Variants in RPL4 observed in about 807,000 individuals in gnomAD.
RPL4 encodes the protein large ribosomal subunit protein uL4.
In RPL4, 3 loss-of-function variants were observed where a neutral mutation model predicts 47.7. The ratio of observed to expected loss-of-function variants is 0.06; its 90% CI spans 0.03 to 0.16. The LOEUF (loss-of-function observed/expected upper bound fraction) is 0.16, where lower values mean the gene tolerates loss of function less well. Among genes scored for constraint, RPL4 ranks in the 10% least tolerant of loss-of-function variants. The pLI, the probability that RPL4 is intolerant of heterozygous loss-of-function variation, is 1.00. For synonymous variants in RPL4, 208 were observed against 182.1 expected, an observed-to-expected ratio of 1.14 and a Z score of -1.15; for missense variants, 413 against 551.3, an observed-to-expected ratio of 0.75 and a Z score of 2.51.
In RPL4 at chr15:66,501,599, G is replaced by A. The variant is rs182995691; in HGVS notation, c.547-95C>T. 50 of 1,551,934 alleles carry A rather than the reference G, an allele frequency of 3.2e-5. No individual in the cohort carries two copies. The Admixed American group carries it at 7.0e-4, about 22-fold the overall frequency. ...TCCTTTTTACAGATGATTAAACTGG[G>A]CACAATAACTTGCCAAGGTTACACA... On this transcript the variant is annotated intron_variant, in intron 5 of 9. Transcript: ENST00000307961.
chr15:66,500,497 CAT>C, intron 7 of RPL4, 121 bp from the exon 8 acceptor site: 1 of 862,456 alleles, frequency 1.2e-6, no homozygotes. Context: ...TATCACTTCT[CAT>C]AAACATGGAC....
In RPL4 at chr15:66,501,386, C is replaced by G; in HGVS notation, c.665G>C (p.Arg222Thr). 6.2e-7 allele frequency: 1 copy of G among 1,614,182 alleles called. No homozygotes were observed. Among genetic ancestry groups the G allele is most frequent in the Non-Finnish European group, 8.5e-7 (1 of 1,180,032 alleles). ...AGCAGTTTAATTACCAGGGATGTTT[C>G]TGAAGGCCTTGATGATACCATTATC... ...NEDNGIIKAF[R>T]NIPGITLLNV... is the part of the protein sequence containing the mutation. The change falls in exon 6 of 10, where the codon AGA becomes ACA. Residue 222 changes from arginine (R) to threonine (T), a missense_variant. Arg to Thr is a moderately conservative substitution (Grantham distance 71). Coordinates refer to ENST00000307961, the MANE Select transcript of RPL4 (RefSeq NM_000968.4).
chr15:66,501,499 A>G lies in RPL4; in HGVS notation c.552T>C (p.Tyr184=). Residue 184 remains tyrosine, a synonymous_variant, in exon 6 of 10, where the codon TAT becomes TAC. Transcript: ENST00000307961. ...TGCCAGCTCTCATTCGCTGAGAGGC[A>G]TAGACCTACAAAGTGAGCAGTTTTA... ...LKAWNDIKKV[Y]ASQRMRAGKG... 6.2e-7 allele frequency: 1 copy of G among 1,614,186 alleles called. No individual in the cohort carries two copies. The highest frequency in any genetic ancestry group is 8.5e-7 in the Non-Finnish European group (1 of 1,180,046).
In RPL4 at chr15:66,501,047, A is replaced by G. The variant is rs773704090; in HGVS notation, c.735T>C (p.His245=). Residue 245 remains histidine, a synonymous_variant, in exon 7 of 10, where the codon CAT becomes CAC. Coordinates refer to ENST00000307961, the MANE Select transcript of RPL4 (RefSeq NM_000968.4). ...CAGTCCAAATGCAGAAACGTCCCACATGCCCACCAGGAGCAAGCTTCAAAA... is the reference window on the plus strand; with the variant it reads ...CAGTCCAAATGCAGAAACGTCCCACGTGCCCACCAGGAGCAAGCTTCAAAA... ...LNILKLAPGG[H]VGRFCIWTES... 1.3e-5 allele frequency: 21 copies of G among 1,613,944 alleles called. No homozygotes were observed. In the Admixed American group the frequency reaches 1.5e-4, roughly 12 times the overall value.
Position 66,499,189 on chromosome 15 carries a change from C to A in RPL4, c.*218G>T. ...TAAATCATTCCCCTTCCACTGAACT[C>A]CATGGACTTAGTATAAATCCATGCC... On this transcript the variant is annotated 3_prime_UTR_variant, in exon 10 of 10. Coordinates refer to ENST00000307961, the MANE Select transcript of RPL4 (RefSeq NM_000968.4). 1 of 523,584 alleles carries A rather than the reference C, an allele frequency of 1.9e-6. No individual in the cohort carries two copies. The highest frequency in any genetic ancestry group is 3.3e-5 in the East Asian group (1 of 29,872). 32.4% of individuals were successfully genotyped at this position (523,584 alleles called of 1,614,324 possible).
Position 66,499,488 on chromosome 15 carries a change from T to G in RPL4, c.1203A>C (p.Ala401=), listed in dbSNP as rs754574639. The change falls in exon 10 of 10, where the codon GCA becomes GCC. Residue 401 remains alanine, a synonymous_variant. Coordinates refer to ENST00000307961, the MANE Select transcript of RPL4 (RefSeq NM_000968.4). ...CAGGGGCTGGTTTCTTGGTAGCTGC[T>G]GCCTTTTTTCCCACCAGAGGCTTCT... ...KQKKPLVGKK[A]AATKKPAPEK... 2.5e-6 allele frequency: 4 copies of G among 1,612,088 alleles called. No individual in the cohort carries two copies. In the South Asian group the frequency reaches 3.3e-5, roughly 13 times the overall value.
At position 66,498,424 on chromosome 15, in the gene RPL4, T is replaced by C. The variant is rs1893522196; in HGVS notation, c.*983A>G. The stretch of plus-strand genomic sequence containing the variant: ...CAGAGAGAAGCTGACAGTTTAACAA[T>C]CCAGATGCAAAACAAGACTTTTGAC... On this transcript the variant is annotated 3_prime_UTR_variant, in exon 10 of 10. Coordinates refer to ENST00000307961, the MANE Select transcript of RPL4 (RefSeq NM_000968.4). The C allele has an allele frequency of 6.6e-6, 1 of 152,110 alleles. No homozygotes were observed. The highest frequency in any genetic ancestry group is 6.6e-5 in the Admixed American group (1 of 15,264). 9.4% of individuals were successfully genotyped at this position (152,110 alleles called of 1,614,324 possible).
chr15:66,502,061 G>T (rs376961183), intron 4 of RPL4, 149 bp from the exon 5 acceptor site: 1 of 1,034,434 alleles, frequency 9.7e-7, no homozygotes, highest in South Asian at 1.3e-5. Context: ...TCAGAAACAC[G>T]GACCAATTAA....
At position 66,500,041 on chromosome 15, in the gene RPL4, A is replaced by G; in HGVS notation, c.1038+15T>C. On this transcript the variant is annotated intron_variant, in intron 9 of 9. Transcript: ENST00000307961. ...CCGACTCAAAAACAAACAAACAAAC[A>G]AAAACTCCACTCACATTCCTGGCCT... 6.2e-7 allele frequency: 1 copy of G among 1,611,452 alleles called. No homozygotes were observed. The highest frequency in any genetic ancestry group is 8.5e-7 in the Non-Finnish European group (1 of 1,179,694).
intron 4 of RPL4, chr15:66,502,378 G>T (rs1893637832): frequency 3.9e-6 from 2 of 513,626 alleles, no homozygotes; most frequent in Non-Finnish European, 3.4e-6. Flanking sequence ...TTTTTAAACC[G>T]GTATGTAACA....
rs553877986 is a variant in RPL4 at position 66,501,771 on chromosome 15, G to A, written c.546+17C>T. 2 of 1,606,756 alleles carry A rather than the reference G, an allele frequency of 1.2e-6. No homozygotes were observed. The highest frequency in any genetic ancestry group is 2.2e-5 in the South Asian group (2 of 89,692). ...GAACAAGGAGTACCAAACTGTAAAT[G>A]TGCTCATTGAACGGACCTTTTTGAT... On this transcript the variant is annotated intron_variant, in intron 5 of 9. Transcript: ENST00000307961.
Position 66,501,817 on chromosome 15 carries a change from T to C in RPL4, c.517A>G (p.Lys173Glu). ...TTGATATCATTCCAGGCTTTAAGTTTCTTAAGGAGCAAAACAGCTTCCTTG... is the reference window on the plus strand; with the variant it reads ...TTGATATCATTCCAGGCTTTAAGTTCCTTAAGGAGCAAAACAGCTTCCTTG... The part of the protein sequence containing the change: ...KTKEAVLLLK[K>E]LKAWNDIKKV... Residue 173 changes from lysine (K) to glutamate (E), a missense_variant, in exon 5 of 10, where the codon AAA becomes GAA. Physicochemically the swap from Lys to Glu is moderately conservative, Grantham distance 56. This residue lies in a region of RPL4 where 214 missense variants were observed against 304.2 expected (regional missense o/e 0.70). Transcript: ENST00000307961. 1.9e-6 allele frequency: 3 copies of C among 1,611,678 alleles called. No homozygotes were observed. Among genetic ancestry groups the C allele is most frequent in the Non-Finnish European group, 1.7e-6 (2 of 1,179,850 alleles).
Position 66,502,672 on chromosome 15 carries a change from G to T in RPL4, c.361C>A (p.Arg121=), listed in dbSNP as rs1246936880. ...WHRRVNTTQK[R]YAICSALAAS... is the part of the protein sequence containing the mutation. ...GCCAGGGCAGAACAGATGGCGTATC[G>T]TTTTTGGGTTGTGTTCACTCTACGA... The change falls in exon 4 of 10, where the codon CGA becomes AGA. Residue 121 remains arginine, a synonymous_variant. Transcript: ENST00000307961. The T allele has an allele frequency of 1.2e-6, 2 of 1,613,598 alleles. No homozygotes were observed. The highest frequency in any genetic ancestry group is 4.5e-5 in the East Asian group (2 of 44,898).
rs1893644464 is a variant in RPL4 at position 66,502,647 on chromosome 15, G to A, written c.386C>T (p.Ala129Val). The A allele has an allele frequency of 3.1e-6, 5 of 1,612,934 alleles. No homozygotes were observed. The highest frequency in any genetic ancestry group is 3.3e-5 in the Admixed American group (2 of 60,000). Residue 129 changes from alanine (A) to valine (V), a missense_variant, in exon 4 of 10, where the codon GCT (alanine) becomes GTT (valine). Coordinates refer to ENST00000307961, the MANE Select transcript of RPL4 (RefSeq NM_000968.4). Reference sequence around the variant, plus strand: ...GACCAGTGCTGGTAGGGCTGAGGCAGCCAGGGCAGAACAGATGGCGTATCG... The same window carrying A: ...GACCAGTGCTGGTAGGGCTGAGGCAACCAGGGCAGAACAGATGGCGTATCG... ...QKRYAICSAL[A>V]ASALPALVMS...
chr15:66,503,519 C>T lies in RPL4; in HGVS notation c.14G>A (p.Arg5His). 3 of 1,598,050 alleles carry T rather than the reference C, an allele frequency of 1.9e-6. No individual in the cohort carries two copies. Among genetic ancestry groups the T allele is most frequent in the East Asian group, 2.2e-5 (1 of 44,470 alleles). The change falls in exon 2 of 10, where the codon CGC becomes CAC. Residue 5 changes from arginine (R) to histidine (H), a missense_variant. By Grantham distance (29) the Arg-to-His change is conservative. This residue lies in a region of RPL4 where 56 missense variants were observed against 70.6 expected (regional missense o/e 0.79). Coordinates refer to ENST00000307961, the MANE Select transcript of RPL4 (RefSeq NM_000968.4). MACA[R>H]PLISVYSEKG... ...TTCGGAGTACACCGATATCAGTGGG[C>T]GAGCACACGCCTAAAGAAAAAGACA... is the stretch of plus-strand genomic sequence containing the variant.
Position 66,498,088 on chromosome 15 carries a change from G to C in RPL4, c.*1319C>G. 1 of 277,182 alleles carries C rather than the reference G, an allele frequency of 3.6e-6. No homozygotes were observed. Among genetic ancestry groups the C allele is most frequent in the Middle Eastern group, 1.1e-3 (1 of 888 alleles). The allele number at this position is 277,182 out of a possible 1,614,324, so 17.2% of individuals were successfully genotyped here. A position where few individuals can be genotyped will look rare whatever the true frequency, so the allele number is the denominator to read the frequency against. ...GTCAAACACCGTTTCAAATGACCGG[G>C]TGAACAGCACTTCCAATGTGGTGTG... On this transcript the variant is annotated 3_prime_UTR_variant, in exon 10 of 10. Transcript: ENST00000307961.
chr15:66,503,660 C>A, intron 1 of RPL4, 131 bp from the exon 2 acceptor site: 1 of 837,248 alleles, frequency 1.2e-6, no homozygotes, highest in Non-Finnish European at 1.8e-6. Flanking sequence ...AACCCTTAAA[C>A]CAAAATAGCA....
intron 3 of RPL4, 61 bp from the exon 4 acceptor site, chr15:66,502,811 T>C: frequency 1.2e-6 from 2 of 1,612,526 alleles, no homozygotes; most frequent in Non-Finnish European, 1.7e-6. Context: ...AGGTTATTTC[T>C]TGCTCAGTAA....
intron 9 of RPL4, 187 bp from the exon 10 acceptor site, chr15:66,499,839 A>C: frequency 1.1e-6 from 1 of 908,456 alleles, no homozygotes; most frequent in Non-Finnish European, 1.6e-6. Flanking sequence ...GCCTAACAAT[A>C]TAGTGACACC....
Sources: allele counts gnomAD v4.1 joint callset, GRCh38; gene constraint gnomAD v4.1.1; regional missense constraint gnomAD v4.1.1; transcripts MANE v1.5; gene names NCBI Gene and HGNC (gene_info 2026-07-23, HGNC 2026-07-21).